ZC3H12B: variants seen among roughly 807,000 people sequenced by gnomAD.
ZC3H12B encodes the protein probable ribonuclease ZC3H12B.
ZC3H12B carries 7 observed loss-of-function variants against 43.9 expected under a neutral mutation model. The ratio of observed to expected loss-of-function variants is 0.16; its 90% CI spans 0.09 to 0.30. ZC3H12B has a LOEUF of 0.30. ZC3H12B is among the 10% of genes least tolerant of loss of function. The pLI is 1.00. For missense variants in ZC3H12B, 475 were observed against 670.2 expected, an observed-to-expected ratio of 0.71 and a Z score of 3.22; for synonymous variants, 222 against 241.7, an observed-to-expected ratio of 0.92 and a Z score of 0.76.
At position 65,457,454 on chromosome X, in the gene ZC3H12B, C is replaced by A. The variant is rs1380888512; in HGVS notation, n.408-31192C>A. Among the ~76,000 whole-genome samples the A allele has an allele frequency of 8.5e-5, 7 of 82,809 alleles. 1 individual carries two copies. In the Admixed American group the frequency reaches 8.6e-4, roughly 10 times the overall value. The allele number at this position is 82,809 out of a possible 115,157, so 71.9% of individuals were successfully genotyped here. Reference sequence around the variant, plus strand: ...CCGGGAGGGTGGTGGGGGGGTCAGCCCCCCGCCCGGCCAGCCGCCCCATCC... The same window carrying A: ...CCGGGAGGGTGGTGGGGGGGTCAGCACCCCGCCCGGCCAGCCGCCCCATCC... On this transcript the variant is annotated intron_variant and non_coding_transcript_variant, in intron 3 of 5. Transcript: ENST00000617377.
the ZC3H12B span, among the ~76,000 whole-genome samples, chrX:65,075,649 C>T: frequency 9.8e-5 from 11 of 111,676 alleles, no homozygotes; most frequent in African/African-American, 2.9e-4. Flanking sequence ...CGTTCTATGC[C>T]GAGCTGGGAG....
chrX:65,329,267 T>A, the ZC3H12B span, among the ~76,000 whole-genome samples: 2 of 111,487 alleles, frequency 1.8e-5, no homozygotes, highest in East Asian at 5.6e-4. Flanking sequence ...GGCATCTCAT[T>A]GTGGTTTTGA....
At chrX:65,076,260 C>A in the ZC3H12B span, among the ~76,000 whole-genome samples, 2 of 109,485 alleles carry the variant, frequency 1.8e-5, no homozygotes, top group South Asian at 4.0e-4. Context: ...GCTCAAGTGA[C>A]CCTGTAGCTA....
the ZC3H12B span, among the ~76,000 whole-genome samples, chrX:65,111,377 A>G: frequency 1.8e-5 from 2 of 110,980 alleles, no homozygotes; most frequent in African/African-American, 6.5e-5. Flanking sequence ...TGTAGATGTT[A>G]TCAAGTTGAG....
the ZC3H12B span, chrX:65,185,884 T>A: frequency 9.0e-6 from 1 of 111,712 alleles, no homozygotes; most frequent in Non-Finnish European, 1.9e-5. Context: ...GATGTGTGAA[T>A]GGTAAGATGC....
chrX:65,188,533 A>T, the ZC3H12B span, among the ~76,000 whole-genome samples: 9 of 110,452 alleles, frequency 8.1e-5, no homozygotes, highest in East Asian at 2.3e-3. Context: ...ATTATGTCTT[A>T]TTACAGTTTG....
At chrX:65,164,690 C>A in the ZC3H12B span, among the ~76,000 whole-genome samples, 4 of 111,922 alleles carry the variant, frequency 3.6e-5, no homozygotes, top group Admixed American at 9.6e-5. Context: ...TGTTAGATTT[C>A]TTTTACTGTC....
chrX:65,045,096 C>T, the ZC3H12B span, among the ~76,000 whole-genome samples: 1 of 111,759 alleles, frequency 8.9e-6, no homozygotes, highest in African/African-American at 3.3e-5. Flanking sequence ...CCAAGAATCA[C>T]TTGAGCTGTC....
intron 3 of ZC3H12B, among the ~76,000 whole-genome samples, chrX:65,468,311 A>G: frequency 9.0e-6 from 1 of 111,217 alleles, no homozygotes; most frequent in Middle Eastern, 4.6e-3. Context: ...TCTTTGGTCT[A>G]TGTATCTACT....
chrX:65,062,690 G>T, the ZC3H12B span, among the ~76,000 whole-genome samples: 1 of 111,785 alleles, frequency 8.9e-6, no homozygotes, highest in Admixed American at 9.5e-5. Context: ...TTGTAATTCT[G>T]TGAACAAAGT....
At chrX:65,291,046 G>A in the ZC3H12B span, among the ~76,000 whole-genome samples, 16 of 111,328 alleles carry the variant, frequency 1.4e-4, no homozygotes, top group Admixed American at 1.4e-3. Flanking sequence ...AAATTCTTAT[G>A]TAGTCTCTGA....
the ZC3H12B span, among the ~76,000 whole-genome samples, chrX:65,286,781 C>CA: frequency 1.4e-3 from 150 of 109,364 alleles, 3 homozygotes; most frequent in East Asian, 0.041. Context: ...ATGCTGCTCA[C>CA]AAAAAAACTG....
At chrX:65,214,962 C>T in the ZC3H12B span, among the ~76,000 whole-genome samples, 1 of 111,501 alleles carries the variant, frequency 9.0e-6, no homozygotes, top group Non-Finnish European at 1.9e-5. Flanking sequence ...TCATAGCTGT[C>T]CATCAGAGTT....
chrX:65,497,011 A>T (rs2068297005), intron 1 of ZC3H12B, 121 bp from the exon 7 acceptor site: 1 of 542,452 alleles, frequency 1.8e-6, no homozygotes, highest in Non-Finnish European at 2.7e-6. Flanking sequence ...GAAAGAGAGA[A>T]AGAAAGAAAA....
chrX:65,270,445 G>A, the ZC3H12B span, among the ~76,000 whole-genome samples: 1 of 111,782 alleles, frequency 8.9e-6, no homozygotes, highest in Non-Finnish European at 1.9e-5. Context: ...GAGAACATAA[G>A]GAGAATAGTC....
At chrX:65,345,545 G>C in the ZC3H12B span, among the ~76,000 whole-genome samples, 1 of 111,238 alleles carries the variant, frequency 9.0e-6, no homozygotes, top group East Asian at 2.8e-4. Flanking sequence ...CCTACTGGAG[G>C]GTGGAGTGTG....
chrX:65,042,319 C>T, the ZC3H12B span, among the ~76,000 whole-genome samples: 12 of 112,504 alleles, frequency 1.1e-4, no homozygotes, highest in African/African-American at 3.9e-4. Flanking sequence ...GGAAGAGAGA[C>T]TGAGTATTCA....
At chrX:65,039,536 C>T in the ZC3H12B span, among the ~76,000 whole-genome samples, 159 of 111,581 alleles carry the variant, frequency 1.4e-3, 3 homozygotes, top group East Asian at 0.037. Flanking sequence ...CTTTCTGTAC[C>T]TCACTTCTAC....
the ZC3H12B span, among the ~76,000 whole-genome samples, chrX:65,222,557 G>C: frequency 9.3e-6 from 1 of 107,147 alleles, no homozygotes; most frequent in Admixed American, 1.0e-4. Flanking sequence ...TAGCAACTAA[G>C]CTGAGAATAA....
Sources: gnomAD v4.1 joint callset for allele counts (sites outside exome capture counted in the v4.1 genomes callset) on GRCh38, gnomAD v4.1.1 for gene constraint, MANE v1.5 for transcripts, NCBI Gene and HGNC (gene_info 2026-07-23, HGNC 2026-07-21) for gene names.